MEGF11: variants seen among roughly 807,000 people sequenced by gnomAD.
MEGF11 encodes the protein multiple EGF like domains 11.
Under a neutral mutation model 146.6 loss-of-function variants are expected in MEGF11, and 126 were observed. The ratio of observed to expected loss-of-function variants is 0.86; its 90% CI spans 0.74 to 1.00. The LOEUF (loss-of-function observed/expected upper bound fraction) is 1.00, where lower values mean the gene tolerates loss of function less well. Among genes scored for constraint, MEGF11 ranks in the 50% least tolerant of loss-of-function variants. The probability of loss-of-function intolerance (pLI) is 0.00; values close to 1 mark genes in which losing one functional copy is unlikely to be tolerated. For synonymous variants in MEGF11, 532 were observed against 583.4 expected, an observed-to-expected ratio of 0.91 and a Z score of 1.27; for missense variants, 1,509 against 1,521.2, an observed-to-expected ratio of 0.99 and a Z score of 0.13.
chr15:66,065,127 G>A (rs1046838825), intron 5 of MEGF11, among the ~76,000 whole-genome samples: 2 of 152,172 alleles, frequency 1.3e-5, no homozygotes, highest in Admixed American at 6.5e-5. Flanking sequence ...CCACGGGTGG[G>A]GCAGGAGGGG....
chr15:65,980,747 T>C, intron 7 of MEGF11, 31 bp downstream of exon 7: 1 of 1,558,976 alleles, frequency 6.4e-7, no homozygotes, highest in Non-Finnish European at 8.7e-7. Flanking sequence ...AGCCCTCCAG[T>C]GCCCCACCCA....
At chr15:66,128,512 C>T in intron 1 of MEGF11, 101 bp from the exon 2 acceptor site, 2 of 586,010 alleles carry the variant, frequency 3.4e-6, no homozygotes, top group Non-Finnish European at 5.4e-6. Context: ...TGATATTTCA[C>T]ATTGCAGGCT....
At chr15:65,985,553 TA>T (rs1451553717) in intron 5 of MEGF11, among the ~76,000 whole-genome samples, 1 of 152,134 alleles carries the variant, frequency 6.6e-6, no homozygotes, top group Non-Finnish European at 1.5e-5. Flanking sequence ...GGCATACAGT[TA>T]TGCTTTGCTT....
chr15:66,001,696 G>C (rs947637821), intron 5 of MEGF11, among the ~76,000 whole-genome samples: 14 of 152,098 alleles, frequency 9.2e-5, no homozygotes, highest in African/African-American at 3.4e-4. Flanking sequence ...GAGGTGGGAG[G>C]ACTAGGTGAG....
chr15:65,898,030 G>T lies in MEGF11; in HGVS notation c.3327C>A (p.Tyr1109Ter), dbSNP rs143310404. The change falls in exon 26 of 26, where the codon TAC becomes TAA. Residue 1109 changes from tyrosine (Y) to a stop codon, truncating the protein, a stop_gained. Transcript: ENST00000395614. LOFTEE classifies it high-confidence loss of function. ...GAATATGGCTGTTCCTAGGTAGGTC[G>T]TATGCATTCTGGATATAGCTGGAGT... Reference protein sequence around the residue: ...GHNSSYIQNAYDLPRNSHIPG... With the variant: ...GHNSSYIQNA The T allele has an allele frequency of 3.1e-6, 5 of 1,613,834 alleles. No homozygotes were observed. In the East Asian group the frequency reaches 8.9e-5, roughly 29 times the overall value.
intron 8 of MEGF11, chr15:65,967,035 A>G (rs2081127041): frequency 6.6e-6 from 1 of 152,196 alleles, no homozygotes; most frequent in South Asian, 2.1e-4. Flanking sequence ...TCTTTGTTCC[A>G]GCACTGATTC....
At chr15:65,937,347 C>T (rs765700443) in intron 10 of MEGF11, among the ~76,000 whole-genome samples, 32 of 152,250 alleles carry the variant, frequency 2.1e-4, no homozygotes, top group Non-Finnish European at 4.0e-4. Flanking sequence ...ACTCTGCCTA[C>T]TCCCTCAGCC....
At chr15:65,899,134 A>G (rs891291282) in intron 24 of MEGF11, among the ~76,000 whole-genome samples, 200 bp from the exon 25 acceptor site, 1 of 152,222 alleles carries the variant, frequency 6.6e-6, no homozygotes, top group Admixed American at 6.5e-5. Context: ...AAAGAAACTT[A>G]TGTTTTTGGA....
At chr15:65,927,332 A>G (rs2079405991) in intron 13 of MEGF11, among the ~76,000 whole-genome samples, 1 of 152,218 alleles carries the variant, frequency 6.6e-6, no homozygotes, top group Non-Finnish European at 1.5e-5. Context: ...CATAAACCCC[A>G]GCAGTCTTGC....
chr15:66,140,557 C>G (rs1159660415), intron 1 of MEGF11, among the ~76,000 whole-genome samples: 1 of 152,216 alleles, frequency 6.6e-6, no homozygotes, highest in Non-Finnish European at 1.5e-5. Context: ...AACCATGCTT[C>G]CCCAGTGTTC....
intron 1 of MEGF11, among the ~76,000 whole-genome samples, chr15:66,160,165 C>G (rs112273823): frequency 4.0e-5 from 6 of 151,034 alleles, no homozygotes; most frequent in African/African-American, 1.5e-4. Context: ...GGCACATGTT[C>G]CTATTCTGGG....
intron 5 of MEGF11, 73 bp downstream of exon 5, chr15:66,094,329 T>C (rs2140677810): frequency 7.6e-7 from 1 of 1,308,010 alleles, no homozygotes; most frequent in Non-Finnish European, 1.1e-6. Context: ...AAATGTAGCA[T>C]GCACACACCA....
intron 1 of MEGF11, among the ~76,000 whole-genome samples, chr15:66,231,122 C>A (rs73477541): frequency 0.023 from 3,517 of 152,154 alleles, 140 homozygotes; most frequent in African/African-American, 0.081. Context: ...CTTTTTGGAA[C>A]CTTTATAGAA....
intron 7 of MEGF11, among the ~76,000 whole-genome samples, chr15:65,975,542 T>C (rs1164403182): frequency 6.6e-6 from 1 of 152,160 alleles, no homozygotes; most frequent in African/African-American, 2.4e-5. Context: ...CCTGAGAGAA[T>C]TTGATATCTT....
At chr15:66,212,453 C>T (rs2091485062) in intron 1 of MEGF11, among the ~76,000 whole-genome samples, 1 of 152,070 alleles carries the variant, frequency 6.6e-6, no homozygotes, top group African/African-American at 2.4e-5. Flanking sequence ...CTGGCCCTAC[C>T]CTAGGCCTCT....
intron 8 of MEGF11, among the ~76,000 whole-genome samples, chr15:65,970,105 T>C (rs2081253847): frequency 6.6e-6 from 1 of 152,198 alleles, no homozygotes; most frequent in African/African-American, 2.4e-5. Flanking sequence ...AGTCTGCTCT[T>C]AAGCCACAAG....
intron 5 of MEGF11, among the ~76,000 whole-genome samples, chr15:66,072,838 C>A (rs2085423194): frequency 6.6e-6 from 1 of 152,218 alleles, no homozygotes; most frequent in Non-Finnish European, 1.5e-5. Context: ...GCACTAGAAC[C>A]TCATCTTCCT....
intron 5 of MEGF11, among the ~76,000 whole-genome samples, chr15:66,062,598 G>T (rs2084948704): frequency 6.6e-6 from 1 of 152,220 alleles, no homozygotes; most frequent in Non-Finnish European, 1.5e-5. Context: ...CACCTTGGTT[G>T]TAACCTTGTG....
At position 65,896,566 on chromosome 15, in the gene MEGF11, CT is replaced by C; in HGVS notation, c.*1367del. 2 of 152,528 alleles carry C rather than the reference CT, an allele frequency of 1.3e-5. No homozygotes were observed. The highest frequency in any genetic ancestry group is 2.9e-5 in the Non-Finnish European group (2 of 67,990). The allele number at this position is 152,528 out of a possible 1,614,324, so 9.4% of individuals were successfully genotyped here. On this transcript the variant is annotated 3_prime_UTR_variant, in exon 26 of 26. Coordinates refer to ENST00000395614, the MANE Select transcript of MEGF11 (RefSeq NM_001385028.1). ...TGGTACAGGAGTAGCCGTTAGCTTC[CT>C]AGGTTTGCCCTTTTTGTTTTTAATT...
Sources: allele counts gnomAD v4.1 joint callset (sites outside exome capture counted in the v4.1 genomes callset), GRCh38; gene constraint gnomAD v4.1.1; transcripts MANE v1.5; gene names NCBI Gene and HGNC (gene_info 2026-07-23, HGNC 2026-07-21).